NUP35: variants seen among roughly 807,000 people sequenced by gnomAD.
NUP35 encodes nucleoporin 35, also known as nucleoporin NUP35.
In NUP35, 25 loss-of-function variants were observed where a neutral mutation model predicts 41.5. The observed-to-expected ratio is 0.60, with a 90% confidence interval of 0.44 to 0.84. The LOEUF is 0.84. NUP35 is among the 40% of genes least tolerant of loss of function. NUP35 has a pLI of 0.00. For synonymous variants in NUP35, 149 were observed against 130.7 expected (o/e 1.14, Z -0.96); for missense variants, 396 against 396.6 (o/e 1.00, Z 0.01).
At chr2:183,156,634 C>T (rs73040928) in intron 5 of NUP35, among the ~76,000 whole-genome samples, 3,567 of 152,142 alleles carry the variant, frequency 0.023, 160 homozygotes, top group African/African-American at 0.081. Flanking sequence ...TGTGAGCCAT[C>T]GTGCCCAGCC....
upstream of NUP35, among the ~76,000 whole-genome samples, chr2:183,123,364 G>C (rs1335959341): frequency 4.6e-5 from 7 of 152,140 alleles, no homozygotes; most frequent in East Asian, 1.2e-3. Flanking sequence ...TAAGTATGAG[G>C]GTTAGGACTT....
At chr2:183,124,273 G>GA, upstream of NUP35, 1 of 1,384,862 alleles carries the variant, frequency 7.2e-7, no homozygotes, top group African/African-American at 1.4e-5. Context: ...CCTTTCCTCG[G>GA]AAATTCTCAG....
rs778023614 is a variant in NUP35 at position 183,159,679 on chromosome 2, A to G, written c.903+27A>G. On this transcript the variant is annotated intron_variant, in intron 8 of 8. Transcript: ENST00000295119. ...TATTTTAAGGATTGGATAAAAAAAGATGTACTTTAATGGCTGAGTGCATAG... is the reference window on the plus strand; with the variant it reads ...TATTTTAAGGATTGGATAAAAAAAGGTGTACTTTAATGGCTGAGTGCATAG... 2.6e-6 allele frequency: 4 copies of G among 1,556,418 alleles called. No homozygotes were observed. In the East Asian group the frequency reaches 9.0e-5, roughly 35 times the overall value.
intron 4 of NUP35, among the ~76,000 whole-genome samples, chr2:183,143,702 C>A (rs1685180618): frequency 6.6e-6 from 1 of 152,024 alleles, no homozygotes; most frequent in Non-Finnish European, 1.5e-5. Flanking sequence ...GGTCTGTAAG[C>A]CCTTATTATA....
At chr2:183,133,280 C>A (rs1467069941) in intron 3 of NUP35, among the ~76,000 whole-genome samples, 1 of 150,428 alleles carries the variant, frequency 6.6e-6, no homozygotes, top group Admixed American at 6.7e-5. Context: ...ACATTAGAAA[C>A]TAAAAACAAA....
upstream of NUP35, chr2:183,124,310 T>C: frequency 6.6e-7 from 1 of 1,508,622 alleles, no homozygotes; most frequent in South Asian, 1.3e-5. Context: ...TATTCCAAAA[T>C]GGCTCCGGCG....
At chr2:183,123,302 C>A (rs61051346), upstream of NUP35, among the ~76,000 whole-genome samples, 541 of 152,276 alleles carry the variant, frequency 3.6e-3, 4 homozygotes, top group African/African-American at 0.012. Flanking sequence ...GTGACTTTAT[C>A]TGAACTTTAT....
chr2:183,128,354 T>G lies in NUP35; in HGVS notation c.108T>G (p.Pro36=). 6.2e-7 allele frequency: 1 copy of G among 1,614,058 alleles called. No individual in the cohort carries two copies. Among genetic ancestry groups the G allele is most frequent in the Non-Finnish European group, 8.5e-7 (1 of 1,179,956 alleles). ...PKPGVNAQFL[P]GFLMGDLPAP... Reference sequence around the variant, plus strand: ...CAGGAGTTAATGCCCAGTTCTTACCTGGATTTTTAATGGGGGATTTGCCAG... The same window carrying G: ...CAGGAGTTAATGCCCAGTTCTTACCGGGATTTTTAATGGGGGATTTGCCAG... Residue 36 remains proline (P), a synonymous_variant, in exon 2 of 9, where the codon CCT becomes CCG. Coordinates refer to ENST00000295119, the MANE Select transcript of NUP35 (RefSeq NM_138285.5).
At chr2:183,140,353 T>C (rs926032367) in intron 4 of NUP35, among the ~76,000 whole-genome samples, 1 of 152,128 alleles carries the variant, frequency 6.6e-6, no homozygotes, top group African/African-American at 2.4e-5. Flanking sequence ...TCCTTTCCTC[T>C]TCCCCTTTTA....
chr2:183,126,963 T>C (rs1684511518), intron 1 of NUP35, among the ~76,000 whole-genome samples: 1 of 150,376 alleles, frequency 6.6e-6, no homozygotes, highest in Admixed American at 6.7e-5. Flanking sequence ...TAATTCGTAT[T>C]TATTGAGCAC....
chr2:183,140,159 C>G (rs1195812560), intron 4 of NUP35, among the ~76,000 whole-genome samples: 1 of 152,154 alleles, frequency 6.6e-6, no homozygotes, highest in Non-Finnish European at 1.5e-5. Context: ...GGTCAGAAGT[C>G]TGAAGTAGGC....
At chr2:183,128,544 A>G in intron 2 of NUP35, 87 bp downstream of exon 2, 1 of 841,386 alleles carries the variant, frequency 1.2e-6, no homozygotes, top group South Asian at 2.9e-5. Context: ...CATTGGAAGA[A>G]GAATTGACTT....
chr2:183,159,440 A>G (rs1035997419), intron 7 of NUP35, 48 bp from the exon 8 acceptor site: 7 of 1,403,886 alleles, frequency 5.0e-6, no homozygotes, highest in African/African-American at 1.4e-5. Context: ...ATACTGGATG[A>G]TATGTATTAT....
Position 183,151,569 on chromosome 2 carries a change from C to T in NUP35, c.459C>T (p.Ala153=). 1 of 1,613,726 alleles carries T rather than the reference C, an allele frequency of 6.2e-7. No individual in the cohort carries two copies. The highest frequency in any genetic ancestry group is 8.5e-7 in the Non-Finnish European group (1 of 1,179,706). ...CACGAAAGACGACATTATCTCCTGC[C>T]CAGTTGGATCCTTTTTATACTCAAG... ...GQPRKTTLSP[A]QLDPFYTQGD... The change falls in exon 5 of 9, where the codon GCC becomes GCT. Residue 153 remains alanine, a synonymous_variant. Coordinates refer to ENST00000295119, the MANE Select transcript of NUP35 (RefSeq NM_138285.5).
chr2:183,159,585 G>A lies in NUP35; in HGVS notation c.836G>A (p.Ser279Asn), dbSNP rs767505484. The A allele has an allele frequency of 1.2e-6, 2 of 1,613,122 alleles. No homozygotes were observed. Among genetic ancestry groups the A allele is most frequent in the Non-Finnish European group, 1.7e-6 (2 of 1,179,458 alleles). Residue 279 changes from serine (S) to asparagine (N), a missense_variant, in exon 8 of 9, where the codon AGT (serine) becomes AAT (asparagine). Coordinates refer to ENST00000295119, the MANE Select transcript of NUP35 (RefSeq NM_138285.5). ...CTAGGTACACCAACACAACCTGGAA[G>A]TACTCCTAGGATTTCTACCATGAGA... is the stretch of plus-strand genomic sequence containing the variant. ...KTLGTPTQPG[S>N]TPRISTMRPL...
intron 1 of NUP35, among the ~76,000 whole-genome samples, chr2:183,124,911 C>T (rs1032584384): frequency 1.3e-5 from 2 of 152,114 alleles, no homozygotes; most frequent in African/African-American, 4.8e-5. Context: ...GGGCGGTGCC[C>T]TGAAGTGTGT....
At chr2:183,125,845 G>T (rs1684449166) in intron 1 of NUP35, among the ~76,000 whole-genome samples, 2 of 152,318 alleles carry the variant, frequency 1.3e-5, no homozygotes, top group South Asian at 4.1e-4. Context: ...TCAACAAACT[G>T]CTAGCTGAGT....
chr2:183,128,384 G>A lies in NUP35; in HGVS notation c.138G>A (p.Pro46=), dbSNP rs149122970. ...PGFLMGDLPA[P]VTPQPRSISG... ...TTTTAATGGGGGATTTGCCAGCTCC[G>A]GTGACTCCACAACCTCGATCAATTA... is the stretch of plus-strand genomic sequence containing the variant. The change falls in exon 2 of 9, where the codon CCG becomes CCA. Residue 46 remains proline (P), a synonymous_variant. Transcript: ENST00000295119. 506 of 1,613,858 alleles carry A rather than the reference G, an allele frequency of 3.1e-4. No homozygotes were observed. The African/African-American group carries it at 5.1e-3, about 16-fold the overall frequency.
At chr2:183,140,437 T>G (rs772829188) in intron 4 of NUP35, among the ~76,000 whole-genome samples, 3 of 152,196 alleles carry the variant, frequency 2.0e-5, no homozygotes, top group Non-Finnish European at 4.4e-5. Flanking sequence ...CACCAAAATT[T>G]TATTTACTCT....
Sources: allele counts gnomAD v4.1 joint callset (sites outside exome capture counted in the v4.1 genomes callset), GRCh38; gene constraint gnomAD v4.1.1; transcripts MANE v1.5; gene names NCBI Gene and HGNC (gene_info 2026-07-23, HGNC 2026-07-21).